The following IMPA2 variants were observed in gnomAD, a reference collection of about 807,000 sequenced individuals.
IMPA2 encodes inositol monophosphatase 2.
In IMPA2, 32 loss-of-function variants were observed where a neutral mutation model predicts 35.1. That is an observed-to-expected ratio of 0.91 (90% CI 0.69 to 1.23). The LOEUF is 1.23. Among genes scored for constraint, IMPA2 ranks in the 50% most tolerant of loss-of-function variants. The pLI, the probability that IMPA2 is intolerant of heterozygous loss-of-function variation, is 0.00. For synonymous variants in IMPA2, 135 were observed against 160.6 expected (o/e 0.84, Z 1.20); for missense variants, 334 against 387.6 (o/e 0.86, Z 1.16).
intron 2 of IMPA2, among the ~76,000 whole-genome samples, chr18:12,002,165 G>A (rs1281439506): frequency 6.6e-6 from 1 of 152,136 alleles, no homozygotes; most frequent in African/African-American, 2.4e-5. Flanking sequence ...AGAGAAAATT[G>A]TATACATATT....
Position 11,999,254 on chromosome 18 carries a change from G to A in IMPA2, c.230+67G>A, listed in dbSNP as rs934399752. On this transcript the variant is annotated intron_variant, in intron 2 of 7. Transcript: ENST00000269159. The stretch of plus-strand genomic sequence containing the variant: ...CACACTCATAGAGAATGCAGGGTCT[G>A]CCGGGGTCAGGGGGCTCTGCTGTTT... The A allele has an allele frequency of 2.7e-6, 4 of 1,499,324 alleles. No individual in the cohort carries two copies. The Admixed American group carries it at 6.0e-5, about 22-fold the overall frequency. 92.9% of individuals were successfully genotyped at this position (1,499,324 alleles called of 1,614,324 possible).
At chr18:12,015,770 C>T (rs1431396070) in intron 5 of IMPA2, among the ~76,000 whole-genome samples, 1 of 152,238 alleles carries the variant, frequency 6.6e-6, no homozygotes, top group African/African-American at 2.4e-5. Flanking sequence ...CTGTGCGTGC[C>T]AGGAGGTGCC....
At chr18:11,989,833 G>A (rs1414650989) in intron 1 of IMPA2, among the ~76,000 whole-genome samples, 3 of 152,124 alleles carry the variant, frequency 2.0e-5, no homozygotes, top group Non-Finnish European at 2.9e-5. Context: ...GCCCAGGGGA[G>A]ATTACTGTCT....
At chr18:12,008,364 C>T (rs185548475) in intron 2 of IMPA2, 8 of 518,966 alleles carry the variant, frequency 1.5e-5, no homozygotes, top group East Asian at 5.5e-5. Context: ...CATGTGAACC[C>T]GGCACAGGAA....
chr18:12,012,315 C>T, intron 4 of IMPA2, 100 bp downstream of exon 4: 1 of 988,590 alleles, frequency 1.0e-6, no homozygotes, highest in Non-Finnish European at 1.6e-6. Flanking sequence ...TGCTGTTTGC[C>T]CTGTGCCTTA....
intron 1 of IMPA2, among the ~76,000 whole-genome samples, chr18:11,986,025 AGTGGG>A (rs1906655493): frequency 6.6e-6 from 1 of 152,186 alleles, no homozygotes; most frequent in Admixed American, 6.5e-5. Flanking sequence ...CTTGCAGGCA[AGTGGG>A]GGCCTTGATG....
At chr18:11,995,781 C>T (rs1195479546) in intron 1 of IMPA2, among the ~76,000 whole-genome samples, 1 of 152,168 alleles carries the variant, frequency 6.6e-6, no homozygotes, top group African/African-American at 2.4e-5. Flanking sequence ...ACAGAAGGAC[C>T]TGGGTGGTCA....
Position 12,010,003 on chromosome 18 carries a change from A to T in IMPA2, c.335+16A>T, listed in dbSNP as rs750769199. Reference sequence around the variant, plus strand: ...TTGTGCACAGGTGAGCTGAGCAGGGATCGCCTCCATTGCAGGGCTTAACAT... The same window carrying T: ...TTGTGCACAGGTGAGCTGAGCAGGGTTCGCCTCCATTGCAGGGCTTAACAT... On this transcript the variant is annotated intron_variant, in intron 3 of 7. Transcript: ENST00000269159. The surrounding 1 kb of genome is among the most constrained non-coding windows in gnomAD (Gnocchi z 4.8). 2 of 1,584,658 alleles carry T rather than the reference A, an allele frequency of 1.3e-6. No homozygotes were observed. The highest frequency in any genetic ancestry group is 1.7e-6 in the Non-Finnish European group (2 of 1,154,142).
At chr18:12,017,549 C>T in intron 5 of IMPA2, 1 of 360,294 alleles carries the variant, frequency 2.8e-6, no homozygotes, top group South Asian at 2.0e-5. Context: ...TCTTTGTTGC[C>T]TTTTCACTGG....
At chr18:12,029,145 T>C in intron 7 of IMPA2, 152 bp downstream of exon 7, 2 of 709,920 alleles carry the variant, frequency 2.8e-6, no homozygotes. Flanking sequence ...AGACGGGGTC[T>C]TGGTGTCACA....
At chr18:11,989,193 C>G (rs1171290663) in intron 1 of IMPA2, among the ~76,000 whole-genome samples, 1 of 152,146 alleles carries the variant, frequency 6.6e-6, no homozygotes, top group Non-Finnish European at 1.5e-5. Context: ...CCATTTTCCT[C>G]CTTGGGAGCC....
At chr18:11,989,117 C>A (rs950729006) in intron 1 of IMPA2, among the ~76,000 whole-genome samples, 5 of 152,174 alleles carry the variant, frequency 3.3e-5, no homozygotes, top group African/African-American at 1.2e-4. Context: ...GGCCATGTCC[C>A]GGACAGGAGG....
rs959328566 is a variant in IMPA2, at chr18:12,028,947, C to A, written c.705C>A (p.Ala235=). 1.2e-6 allele frequency: 2 copies of A among 1,613,896 alleles called. No individual in the cohort carries two copies. The highest frequency in any genetic ancestry group is 2.7e-5 in the African/African-American group (2 of 74,894). ...TGCACTGCTGGGATCTGGCGGCTGCCACAGTCATCATCAGAGAAGCAGGCG... is the reference window on the plus strand; with the variant it reads ...TGCACTGCTGGGATCTGGCGGCTGCAACAGTCATCATCAGAGAAGCAGGCG... The part of the protein sequence containing the change: ...FGLHCWDLAA[A]TVIIREAGGI... Residue 235 remains alanine (A), a synonymous_variant, in exon 7 of 8, where the codon GCC becomes GCA. Coordinates refer to ENST00000269159, the MANE Select transcript of IMPA2 (RefSeq NM_014214.3).
chr18:11,992,087 G>A (rs139648009), intron 1 of IMPA2, among the ~76,000 whole-genome samples: 1,555 of 152,294 alleles, frequency 0.01, 12 homozygotes, highest in African/African-American at 0.014. Context: ...CAGGTGATCT[G>A]CCTGCCTCGG....
intron 2 of IMPA2, among the ~76,000 whole-genome samples, chr18:12,004,245 A>G (rs892527516): frequency 6.6e-6 from 1 of 152,176 alleles, no homozygotes; most frequent in African/African-American, 2.4e-5. Context: ...CCTTCTTGTC[A>G]CAGACTAAAC....
chr18:11,990,975 G>T (rs1318932837), intron 1 of IMPA2, among the ~76,000 whole-genome samples: 1 of 152,204 alleles, frequency 6.6e-6, no homozygotes, highest in Non-Finnish European at 1.5e-5. Flanking sequence ...AACAGCACGG[G>T]GCAGAAGAAG....
At chr18:11,981,872 G>C in intron 1 of IMPA2, 107 bp downstream of exon 1, 1 of 710,764 alleles carries the variant, frequency 1.4e-6, no homozygotes, top group Non-Finnish European at 1.9e-6. Context: ...GGGCGCCCAG[G>C]GTCCGCACCC....
intron 5 of IMPA2, chr18:12,017,947 T>C (rs1480018096): frequency 8.1e-5 from 3 of 37,196 alleles, no homozygotes; most frequent in South Asian, 1.4e-4. Context: ...TTTTTTCTGT[T>C]TTTTTTTTTC....
At chr18:12,022,528 A>AAATATATATATATATATAT (rs68185380) in intron 5 of IMPA2, among the ~76,000 whole-genome samples, 2,832 of 96,560 alleles carry the variant, frequency 0.029, 309 homozygotes, top group Non-Finnish European at 0.037. Context: ...TCTCAAAAAG[A>AAATATATATATATATATAT]ATATATATAT....
Sources: allele counts gnomAD v4.1 joint callset (sites outside exome capture counted in the v4.1 genomes callset), GRCh38; gene constraint gnomAD v4.1.1; non-coding constraint Gnocchi (gnomAD v3.1); transcripts MANE v1.5; gene names NCBI Gene and HGNC (gene_info 2026-07-23, HGNC 2026-07-21).